The following LDLRAD4 variants were observed in gnomAD, a reference collection of about 807,000 sequenced individuals.
LDLRAD4 encodes the protein low density lipoprotein receptor class A domain containing 4, also known as low-density lipoprotein receptor class A domain-containing protein 4.
In LDLRAD4, 5 loss-of-function variants were observed where a neutral mutation model predicts 17.0. That is an observed-to-expected ratio of 0.29 (90% CI 0.15 to 0.62). The LOEUF is 0.62. Ranked by LOEUF, LDLRAD4 falls within the 20% of genes least tolerant of loss-of-function variation. The probability of loss-of-function intolerance (pLI) is 0.84; values close to 1 mark genes in which losing one functional copy is unlikely to be tolerated. For missense variants in LDLRAD4, 340 were observed against 424.7 expected (o/e 0.80, Z 1.75); for synonymous variants, 168 against 171.8 (o/e 0.98, Z 0.17).
At position 13,321,898 on chromosome 18, in the gene LDLRAD4, A is replaced by AAAAAGAAAAG. The variant is rs1305514703; in HGVS notation, c.-383+43715_-383+43724dup. Among the ~76,000 whole-genome samples the AAAAAGAAAAG allele has an allele frequency of 5.4e-3, 521 of 96,072 alleles. 10 individuals carry two copies. Among genetic ancestry groups the AAAAAGAAAAG allele is most frequent in the African/African-American group, 0.022 (485 of 22,326 alleles). 63.0% of individuals were successfully genotyped at this position (96,072 alleles called of 152,430 possible). A position where few individuals can be genotyped will look rare whatever the true frequency, so the allele number is the denominator to read the frequency against. On this transcript the variant is annotated intron_variant, in intron 1 of 5. Coordinates refer to ENST00000359446, the Ensembl canonical transcript of LDLRAD4. ...AAAAAAAAAAAAAAAAAAAAAAAAAAAAAAGAAAAGAAAAAGAATAAAAAG... is the reference window on the plus strand; with the variant it reads ...AAAAAAAAAAAAAAAAAAAAAAAAAAAAAAGAAAAGAAAAGAAAAGAAAAAGAATAAAAAG...
intron 2 of LDLRAD4, among the ~76,000 whole-genome samples, chr18:13,406,307 G>A (rs2087743230): frequency 6.6e-6 from 1 of 152,204 alleles, no homozygotes; most frequent in Non-Finnish European, 1.5e-5. Context: ...GTGCCAAGGT[G>A]CCATGGGCTG....
intron 4 of LDLRAD4, among the ~76,000 whole-genome samples, chr18:13,636,727 T>C (rs2042116658): frequency 6.6e-6 from 1 of 152,012 alleles, no homozygotes; most frequent in African/African-American, 2.4e-5. Flanking sequence ...CTTGAACTCC[T>C]GACCTCAGGT....
chr18:13,541,677 A>C (rs899747255), intron 3 of LDLRAD4, among the ~76,000 whole-genome samples: 7 of 152,242 alleles, frequency 4.6e-5, no homozygotes, highest in Non-Finnish European at 5.9e-5. Flanking sequence ...CACAGTGTTC[A>C]GAAATGCTCT....
intron 3 of LDLRAD4, among the ~76,000 whole-genome samples, chr18:13,528,991 TC>T (rs1340371223): frequency 6.6e-6 from 1 of 152,188 alleles, no homozygotes; most frequent in Non-Finnish European, 1.5e-5. Context: ...GGTTCTAGCT[TC>T]CCAATGCTTT....
chr18:13,357,986 C>G (rs756701209), intron 1 of LDLRAD4, among the ~76,000 whole-genome samples: 8 of 152,124 alleles, frequency 5.3e-5, no homozygotes, highest in Non-Finnish European at 1.2e-4. Flanking sequence ...CCAGTGAAAC[C>G]CTTTTCTGGT....
intron 1 of LDLRAD4, among the ~76,000 whole-genome samples, chr18:13,373,035 C>T (rs899501819): frequency 2.0e-5 from 3 of 152,202 alleles, no homozygotes; most frequent in African/African-American, 4.8e-5. Context: ...CGCAGACTAA[C>T]AGATTTCAGT....
chr18:13,426,864 C>T (rs544703628), intron 2 of LDLRAD4, among the ~76,000 whole-genome samples: 18 of 152,286 alleles, frequency 1.2e-4, no homozygotes, highest in African/African-American at 2.9e-4. Context: ...ATGTAGCCCA[C>T]GCCCTATGAG....
intron 3 of LDLRAD4, among the ~76,000 whole-genome samples, chr18:13,533,798 A>G (rs115486765): frequency 6.6e-6 from 1 of 152,308 alleles, no homozygotes; most frequent in African/African-American, 2.4e-5. Flanking sequence ...CTGGGAATTA[A>G]AGGGACTTTT....
At chr18:13,516,613 A>G (rs1471055619) in intron 3 of LDLRAD4, among the ~76,000 whole-genome samples, 3 of 152,220 alleles carry the variant, frequency 2.0e-5, no homozygotes, top group Non-Finnish European at 4.4e-5. Context: ...CTTCAAGTGG[A>G]CACTATTTTT....
At chr18:13,595,059 T>A (rs1401499208) in intron 3 of LDLRAD4, among the ~76,000 whole-genome samples, 1 of 152,182 alleles carries the variant, frequency 6.6e-6, no homozygotes, top group Non-Finnish European at 1.5e-5. Flanking sequence ...ATAGTCACTT[T>A]TATCATTGTA....
chr18:13,359,181 A>C (rs1308687400), intron 1 of LDLRAD4, among the ~76,000 whole-genome samples: 1 of 152,184 alleles, frequency 6.6e-6, no homozygotes, highest in East Asian at 1.9e-4. Context: ...GCATTGACAC[A>C]CTATAGGTGG....
chr18:13,611,224 C>A (rs2039526187), intron 3 of LDLRAD4: 1 of 154,738 alleles, frequency 6.5e-6, no homozygotes. Flanking sequence ...CTGGTAGTAA[C>A]CAACAGAGTT....
At chr18:13,308,306 A>G (rs1478892943) in intron 1 of LDLRAD4, among the ~76,000 whole-genome samples, 1 of 152,200 alleles carries the variant, frequency 6.6e-6, no homozygotes, top group African/African-American at 2.4e-5. Flanking sequence ...CCAGTCCTCT[A>G]TTGATGAACC....
chr18:13,234,039 TC>T (rs2145561392), intron 1 of LDLRAD4, among the ~76,000 whole-genome samples: 1 of 152,306 alleles, frequency 6.6e-6, no homozygotes, highest in East Asian at 1.9e-4. Flanking sequence ...ACCTATTTGT[TC>T]TGCCTCCAGC....
chr18:13,615,808 A>C (rs989429432), intron 3 of LDLRAD4: 1 of 152,154 alleles, frequency 6.6e-6, no homozygotes, highest in Admixed American at 6.5e-5. Flanking sequence ...TAGAAGGGGG[A>C]TGTGAACGTT....
chr18:13,352,711 T>C (rs1169097537), intron 1 of LDLRAD4, among the ~76,000 whole-genome samples: 1 of 152,170 alleles, frequency 6.6e-6, no homozygotes, highest in African/African-American at 2.4e-5. Flanking sequence ...TCTCGTAACA[T>C]GTATACTTGT....
intron 1 of LDLRAD4, among the ~76,000 whole-genome samples, chr18:13,324,066 C>T (rs1193709532): frequency 6.6e-6 from 1 of 150,988 alleles, no homozygotes; most frequent in Non-Finnish European, 1.5e-5. Context: ...AGAAAGTCAT[C>T]AGGATTAGCA....
At chr18:13,333,976 A>G (rs986526415) in intron 1 of LDLRAD4, among the ~76,000 whole-genome samples, 6 of 152,232 alleles carry the variant, frequency 3.9e-5, no homozygotes, top group African/African-American at 9.6e-5. Flanking sequence ...CATTGAATCT[A>G]TTGATGAAGC....
chr18:13,325,587 G>A (rs2081480047), intron 1 of LDLRAD4, among the ~76,000 whole-genome samples: 1 of 152,114 alleles, frequency 6.6e-6, no homozygotes, highest in Non-Finnish European at 1.5e-5. Flanking sequence ...CAGCTGCTCA[G>A]TGCCTCCTCT....
Sources: gnomAD v4.1 joint callset for allele counts (sites outside exome capture counted in the v4.1 genomes callset) on GRCh38, gnomAD v4.1.1 for gene constraint, MANE v1.5 for transcripts, NCBI Gene and HGNC (gene_info 2026-07-23, HGNC 2026-07-21) for gene names.